PMS1: variants seen among roughly 807,000 people sequenced by gnomAD.
The protein encoded by PMS1 is PMS1 protein homolog 1.
Under a neutral mutation model 93.1 loss-of-function variants are expected in PMS1, and 79 were observed. That is an observed-to-expected ratio of 0.85 (90% CI 0.71 to 1.02). The LOEUF is 1.02. PMS1 is among the 50% of genes least tolerant of loss of function. The pLI, the probability that PMS1 is intolerant of heterozygous loss-of-function variation, is 0.00. For synonymous variants in PMS1, 335 were observed against 363.4 expected (o/e 0.92, Z 0.89); for missense variants, 1,064 against 1,085.3 (o/e 0.98, Z 0.28).
At chr2:189,830,130 C>T (rs780797107) in intron 5 of PMS1, among the ~76,000 whole-genome samples, 1 of 151,888 alleles carries the variant, frequency 6.6e-6, no homozygotes, top group Non-Finnish European at 1.5e-5. Flanking sequence ...TTTTTAGGGC[C>T]GTATAGTTTC....
intron 9 of PMS1, among the ~76,000 whole-genome samples, chr2:189,859,734 T>C (rs1197003071): frequency 6.6e-6 from 1 of 152,150 alleles, no homozygotes; most frequent in Non-Finnish European, 1.5e-5. Flanking sequence ...ATCCATTATC[T>C]TCTACCTTTG....
At chr2:189,876,954 A>G (rs1194603707) in intron 12 of PMS1, among the ~76,000 whole-genome samples, 1 of 151,994 alleles carries the variant, frequency 6.6e-6, no homozygotes, top group Non-Finnish European at 1.5e-5. Flanking sequence ...CTCCTCAAGT[A>G]ATCTTTTTCC....
At chr2:189,872,868 T>C (rs2057273928) in intron 11 of PMS1, among the ~76,000 whole-genome samples, 1 of 152,160 alleles carries the variant, frequency 6.6e-6, no homozygotes, top group African/African-American at 2.4e-5. Flanking sequence ...ACTCCTGATG[T>C]TGTGATCTGC....
At position 189,854,833 on chromosome 2, in the gene PMS1, G is replaced by A; in HGVS notation, c.1561G>A (p.Glu521Lys). 6.2e-7 allele frequency: 1 copy of A among 1,612,032 alleles called. No homozygotes were observed. The highest frequency in any genetic ancestry group is 8.5e-7 in the Non-Finnish European group (1 of 1,178,342). ...TGAACCTGTGAAAATTTTAGTGCCTGAAAAAAGTTTACCATGTAAAGTAAG... is the reference window on the plus strand; with the variant it reads ...TGAACCTGTGAAAATTTTAGTGCCTAAAAAAAGTTTACCATGTAAAGTAAG... ...NIEPVKILVP[E>K]KSLPCKVSNN... Residue 521 changes from glutamate to lysine, a missense_variant, in exon 9 of 13, where the codon GAA becomes AAA. Physicochemically the swap from Glu to Lys is moderately conservative, Grantham distance 56. Coordinates refer to ENST00000441310, the MANE Select transcript of PMS1 (RefSeq NM_000534.5).
intron 4 of PMS1, among the ~76,000 whole-genome samples, chr2:189,810,125 A>G (rs1052787982): frequency 2.0e-5 from 3 of 152,134 alleles, no homozygotes; most frequent in African/African-American, 7.2e-5. Context: ...CTGCCTAGAG[A>G]GAGGTTAGCA....
rs929718524 is a variant in PMS1 at position 189,852,738 on chromosome 2, C to G, written c.783C>G (p.Phe261Leu). 6.3e-7 allele frequency: 1 copy of G among 1,592,162 alleles called. No individual in the cohort carries two copies. Among genetic ancestry groups the G allele is most frequent in the African/African-American group, 1.3e-5 (1 of 74,302 alleles). The stretch of plus-strand genomic sequence containing the variant: ...CAACACCAGAAAGAAGTTTCATCTT[C>G]ATAAACAGTCGACCAGTACATCAAA... ...SLSTPERSFI[F>L]INSRPVHQKD... Residue 261 changes from phenylalanine to leucine, a missense_variant, in exon 7 of 13, where the codon TTC (phenylalanine) becomes TTG (leucine). By Grantham distance (22) the Phe-to-Leu change is conservative. Coordinates refer to ENST00000441310, the MANE Select transcript of PMS1 (RefSeq NM_000534.5).
chr2:189,804,456 T>G (rs925339850), intron 3 of PMS1, among the ~76,000 whole-genome samples: 7 of 152,202 alleles, frequency 4.6e-5, no homozygotes, highest in African/African-American at 1.4e-4. Flanking sequence ...TCTGCTTTTT[T>G]GGGGGATAGT....
intron 2 of PMS1, among the ~76,000 whole-genome samples, chr2:189,792,953 G>A (rs1438591211): frequency 2.0e-5 from 3 of 151,882 alleles, no homozygotes; most frequent in Non-Finnish European, 2.9e-5. Context: ...GGGATTACAG[G>A]CACCTGTTAC....
chr2:189,795,826 G>A lies in PMS1; in HGVS notation c.190G>A (p.Val64Ile), dbSNP rs1401716323. Residue 64 changes from valine to isoleucine, a missense_variant, in exon 3 of 13, where the codon GTT (valine) becomes ATT (isoleucine). Coordinates refer to ENST00000441310, the MANE Select transcript of PMS1 (RefSeq NM_000534.5). ...VRDNGEGIKAVDAPVMAMKYY... is the reference protein window; with the variant it reads ...VRDNGEGIKAIDAPVMAMKYY... ...AGATAACGGGGAGGGTATCAAGGCT[G>A]TTGATGCACCTGTAATGGCAATGAA... 2 of 1,612,920 alleles carry A rather than the reference G, an allele frequency of 1.2e-6. No individual in the cohort carries two copies. Among genetic ancestry groups the A allele is most frequent in the African/African-American group, 1.3e-5 (1 of 74,896 alleles).
intron 9 of PMS1, among the ~76,000 whole-genome samples, chr2:189,862,250 T>A (rs569491762): frequency 9.8e-5 from 15 of 152,300 alleles, no homozygotes; most frequent in African/African-American, 3.4e-4. Flanking sequence ...TTTTGCCATC[T>A]TTTATCTGCT....
chr2:189,864,688 ATATATAT>A (rs1301944141), intron 10 of PMS1, among the ~76,000 whole-genome samples: 2 of 4,496 alleles, frequency 4.4e-4, no homozygotes, highest in Non-Finnish European at 4.1e-4. Context: ...AAAAAAAAAA[ATATATAT>A]ATATATATAT....
chr2:189,798,210 T>C (rs1245294529), intron 3 of PMS1, among the ~76,000 whole-genome samples: 1 of 152,214 alleles, frequency 6.6e-6, no homozygotes, highest in Non-Finnish European at 1.5e-5. Context: ...CGCGCCACTG[T>C]AAAGTCGAAA....
At chr2:189,838,239 A>G (rs2053548576) in intron 5 of PMS1, among the ~76,000 whole-genome samples, 2 of 152,202 alleles carry the variant, frequency 1.3e-5, no homozygotes, top group African/African-American at 4.8e-5. Context: ...GTAGACAAAA[A>G]GTGTAATTTT....
At chr2:189,834,087 G>GAGAA (rs5743084) in intron 5 of PMS1, among the ~76,000 whole-genome samples, 2,701 of 152,270 alleles carry the variant, frequency 0.018, 77 homozygotes, top group African/African-American at 0.061. Flanking sequence ...TTTTAAATGA[G>GAGAA]AGCATTCACA....
chr2:189,841,941 A>G lies in PMS1; in HGVS notation c.583-2023A>G, dbSNP rs547033959. Among the ~76,000 whole-genome samples, 10 of 151,570 alleles carry G rather than the reference A, an allele frequency of 6.6e-5. No individual in the cohort carries two copies. The South Asian group carries it at 2.1e-3, about 32-fold the overall frequency. On this transcript the variant is annotated intron_variant, in intron 5 of 12. Coordinates refer to ENST00000441310, the MANE Select transcript of PMS1 (RefSeq NM_000534.5). ...GAGCTGTCTCAGCCTCCAGCCACTG[A>G]GTCTCCAAACCTGCTTGCTAGTGTA... is the stretch of plus-strand genomic sequence containing the variant.
chr2:189,862,651 C>A (rs1433666110), intron 9 of PMS1, among the ~76,000 whole-genome samples: 1 of 152,144 alleles, frequency 6.6e-6, no homozygotes, highest in Non-Finnish European at 1.5e-5. Flanking sequence ...TGACAGATCA[C>A]CTTGAGCTTG....
rs182746528 is a variant in PMS1 at position 189,851,339 on chromosome 2, A to G, written c.700-1316A>G. 5.4e-4 allele frequency among the ~76,000 whole-genome samples: 83 copies of G among 152,308 alleles called. 1 individual carries two copies. Among genetic ancestry groups the G allele is most frequent in the African/African-American group, 1.6e-3 (68 of 41,574 alleles). ...GACTTTTTTTAAAGTCACAAACCCA[A>G]TAAGTCTTTCAGAGGCTAAACAGGT... On this transcript the variant is annotated intron_variant, in intron 6 of 12. Transcript: ENST00000441310.
At chr2:189,832,770 A>G (rs2053064858) in intron 5 of PMS1, among the ~76,000 whole-genome samples, 1 of 152,208 alleles carries the variant, frequency 6.6e-6, no homozygotes, top group African/African-American at 2.4e-5. Context: ...AGAGGCAGAG[A>G]AGAGAGCTTC....
chr2:189,867,942 G>A lies in PMS1; in HGVS notation c.2473+13G>A. On this transcript the variant is annotated intron_variant, in intron 11 of 12. Transcript: ENST00000441310. ...AAATTGATACCAGGTATGATAGTGTGGTTTAATATTTTCTGATGTGGAAAA... is the reference window on the plus strand; with the variant it reads ...AAATTGATACCAGGTATGATAGTGTAGTTTAATATTTTCTGATGTGGAAAA... 6.2e-7 allele frequency: 1 copy of A among 1,603,650 alleles called. No individual in the cohort carries two copies. Among genetic ancestry groups the A allele is most frequent in the Non-Finnish European group, 8.5e-7 (1 of 1,170,754 alleles).
Sources: allele counts gnomAD v4.1 joint callset (sites outside exome capture counted in the v4.1 genomes callset), GRCh38; gene constraint gnomAD v4.1.1; transcripts MANE v1.5; gene names NCBI Gene and HGNC (gene_info 2026-07-23, HGNC 2026-07-21).